MED12L: variants seen among roughly 807,000 people sequenced by gnomAD.
MED12L encodes the protein mediator complex subunit 12L.
A neutral mutation model predicts 281.3 loss-of-function variants in MED12L; 60 were observed. That is an observed-to-expected ratio of 0.21 (90% CI 0.17 to 0.26). The LOEUF is 0.26. MED12L is among the 10% of genes least tolerant of loss of function. The probability of loss-of-function intolerance (pLI) is 1.00; values close to 1 mark genes in which losing one functional copy is unlikely to be tolerated. For missense variants in MED12L, 2,146 were observed against 2,680.9 expected, an observed-to-expected ratio of 0.80 and a Z score of 4.41; for synonymous variants, 974 against 987.2, an observed-to-expected ratio of 0.99 and a Z score of 0.25.
chr3:151,107,347 C>T (rs1722202657), intron 2 of MED12L, among the ~76,000 whole-genome samples: 1 of 152,144 alleles, frequency 6.6e-6, no homozygotes, highest in Non-Finnish European at 1.5e-5. Context: ...TCAAAGGCCA[C>T]CTTTTCAGAG....
At chr3:151,230,709 C>T (rs1470744084) in intron 16 of MED12L, among the ~76,000 whole-genome samples, 3 of 151,956 alleles carry the variant, frequency 2.0e-5, no homozygotes, top group Non-Finnish European at 4.4e-5. Context: ...TGCTCAAAGT[C>T]CTTAATAAAA....
At chr3:151,153,091 AAAAC>A (rs1268053814) in intron 5 of MED12L, among the ~76,000 whole-genome samples, 1 of 152,226 alleles carries the variant, frequency 6.6e-6, no homozygotes, top group African/African-American at 2.4e-5. Context: ...TTGTACTACT[AAAAC>A]AAAGCACTCA....
chr3:151,262,054 T>A (rs1205034794), intron 16 of MED12L, among the ~76,000 whole-genome samples: 4 of 152,194 alleles, frequency 2.6e-5, no homozygotes, highest in African/African-American at 9.7e-5. Context: ...AACAAACATG[T>A]TAAAGTTTGA....
chr3:151,177,570 G>A (rs58597150), intron 11 of MED12L, among the ~76,000 whole-genome samples: 1,644 of 152,114 alleles, frequency 0.011, 37 homozygotes, highest in African/African-American at 0.037. Flanking sequence ...TCTCACTGTA[G>A]ACTTGAACTT....
At chr3:151,335,374 C>T (rs1750844361) in intron 16 of MED12L, among the ~76,000 whole-genome samples, 1 of 152,136 alleles carries the variant, frequency 6.6e-6, no homozygotes, top group East Asian at 1.9e-4. Context: ...GAAAACAAAA[C>T]ATTCCTAAAT....
intron 16 of MED12L, among the ~76,000 whole-genome samples, chr3:151,335,390 G>A (rs1750846860): frequency 6.6e-6 from 1 of 152,070 alleles, no homozygotes; most frequent in Non-Finnish European, 1.5e-5. Flanking sequence ...TAAATCCCAA[G>A]CTGTACAAAA....
chr3:151,353,540 C>T (rs1219169772), intron 17 of MED12L, among the ~76,000 whole-genome samples: 1 of 152,206 alleles, frequency 6.6e-6, no homozygotes, highest in Non-Finnish European at 1.5e-5. Context: ...ACTCTAGCAT[C>T]AAGGTTTCTT....
At chr3:151,282,820 T>G (rs1431272307) in intron 16 of MED12L, among the ~76,000 whole-genome samples, 1 of 151,950 alleles carries the variant, frequency 6.6e-6, no homozygotes, top group Non-Finnish European at 1.5e-5. Context: ...AGTAAAATAA[T>G]TGAAAAAGTG....
At chr3:151,352,513 A>G (rs750435616) in intron 17 of MED12L, among the ~76,000 whole-genome samples, 1 of 152,206 alleles carries the variant, frequency 6.6e-6, no homozygotes, top group Non-Finnish European at 1.5e-5. Context: ...AAATTAGCTA[A>G]CTGTACTTCA....
intron 5 of MED12L, among the ~76,000 whole-genome samples, chr3:151,138,280 A>C (rs1716443378): frequency 6.6e-6 from 1 of 152,028 alleles, no homozygotes; most frequent in Non-Finnish European, 1.5e-5. Context: ...CAGTTTGGCC[A>C]GTCCCTTGTT....
chr3:151,294,674 T>C (rs1283106321), intron 16 of MED12L: 4 of 1,614,086 alleles, frequency 2.5e-6, no homozygotes, highest in Admixed American at 1.7e-5. Context: ...TTTTGAGCAG[T>C]CATGGATATT....
Position 151,190,847 on chromosome 3 carries a change from A to G in MED12L, c.1884A>G (p.Ser628=), listed in dbSNP as rs77408778. The change falls in exon 14 of 45, where the codon TCA becomes TCG. Residue 628 remains serine, a synonymous_variant. Transcript: ENST00000687756. ...MCTLISRGDL[S]VTASTRPRSP... Reference sequence around the variant, plus strand: ...CCCTCATATCTCGAGGAGATTTGTCAGTCACTGCCTCAACTCGGCCGCGGT... The same window carrying G: ...CCCTCATATCTCGAGGAGATTTGTCGGTCACTGCCTCAACTCGGCCGCGGT... The G allele has an allele frequency of 1.2e-3, 1,870 of 1,614,160 alleles. 22 individuals carry two copies. In the African/African-American group the frequency reaches 0.022, roughly 19 times the overall value.
At chr3:151,364,154 C>A (rs1385447800) in intron 21 of MED12L, among the ~76,000 whole-genome samples, 1 of 152,172 alleles carries the variant, frequency 6.6e-6, no homozygotes, top group African/African-American at 2.4e-5. Context: ...AAGGTAAGCA[C>A]AAATGGCTAA....
rs117811500 is a variant in MED12L at position 151,184,581 on chromosome 3, G to A, written c.1495-749G>A. ...AGTACCATCTCCCCGCTCACCACTCGCTGCACCCCTATCCGCGACTCATGT... is the reference window on the plus strand; with the variant it reads ...AGTACCATCTCCCCGCTCACCACTCACTGCACCCCTATCCGCGACTCATGT... On this transcript the variant is annotated intron_variant, in intron 11 of 44. Transcript: ENST00000687756. Among the ~76,000 whole-genome samples, 11 of 152,148 alleles carry A rather than the reference G, an allele frequency of 7.2e-5. No individual in the cohort carries two copies. The East Asian group carries it at 1.5e-3, about 21-fold the overall frequency.
At chr3:151,350,327 C>T in intron 17 of MED12L, 121 bp downstream of exon 17, 2 of 867,578 alleles carry the variant, frequency 2.3e-6, no homozygotes, top group Non-Finnish European at 3.3e-6. Flanking sequence ...GAATGACTCT[C>T]ACATTGAAAT....
intron 16 of MED12L, among the ~76,000 whole-genome samples, chr3:151,240,992 G>A (rs979274157): frequency 3.9e-5 from 6 of 152,192 alleles, no homozygotes; most frequent in African/African-American, 1.4e-4. Context: ...GCCTTTTCCA[G>A]TGTCTCCTGG....
intron 21 of MED12L, among the ~76,000 whole-genome samples, chr3:151,363,712 C>T (rs926355717): frequency 3.3e-5 from 5 of 152,134 alleles, no homozygotes; most frequent in Admixed American, 1.3e-4. Context: ...TAGAGTAGTG[C>T]TTCCCAAGCA....
intron 16 of MED12L, chr3:151,328,086 A>AT: frequency 1.2e-6 from 2 of 1,609,832 alleles, no homozygotes; most frequent in Non-Finnish European, 1.7e-6. Context: ...TTTTCTGTGA[A>AT]TTTTTTACAT....
At chr3:151,285,055 A>G (rs529012331) in intron 16 of MED12L, among the ~76,000 whole-genome samples, 5 of 152,376 alleles carry the variant, frequency 3.3e-5, no homozygotes, top group African/African-American at 1.2e-4. Context: ...AAGAAACAAA[A>G]TAATGGCATT....
Sources: allele counts gnomAD v4.1 joint callset (sites outside exome capture counted in the v4.1 genomes callset), GRCh38; gene constraint gnomAD v4.1.1; transcripts MANE v1.5; gene names NCBI Gene and HGNC (gene_info 2026-07-23, HGNC 2026-07-21).